HTATSF1: variants seen among roughly 807,000 people sequenced by gnomAD.
HTATSF1 encodes HIV-1 Tat specific factor 1.
HTATSF1 carries 6 observed loss-of-function variants against 46.1 expected under a neutral mutation model. That is an observed-to-expected ratio of 0.13 (90% CI 0.07 to 0.26). The LOEUF is 0.26. Among genes scored for constraint, HTATSF1 ranks in the 10% least tolerant of loss-of-function variants. The pLI is 1.00. For missense variants in HTATSF1, 452 were observed against 559.9 expected, an observed-to-expected ratio of 0.81 and a Z score of 1.94; for synonymous variants, 226 against 211.5, an observed-to-expected ratio of 1.07 and a Z score of -0.60.
Position 136,504,412 on chromosome X carries a change from C to T in HTATSF1, c.783C>T (p.Arg261=). ...PERRAGPSRM[R]HERVVIIKNM... Reference sequence around the variant, plus strand: ...GGCGAGCCGGACCATCCCGGATGCGCCATGAGCGAGTTGTCATCATCAAGA... The same window carrying T: ...GGCGAGCCGGACCATCCCGGATGCGTCATGAGCGAGTTGTCATCATCAAGA... Residue 261 remains arginine (R), a synonymous_variant, in exon 6 of 9, where the codon CGC becomes CGT. Transcript: ENST00000218364. 3 of 1,210,090 alleles carry T rather than the reference C, an allele frequency of 2.5e-6. No homozygotes were observed. Among genetic ancestry groups the T allele is most frequent in the Non-Finnish European group, 3.4e-6 (3 of 894,611 alleles).
At position 136,511,989 on chromosome X, in the gene HTATSF1, C is replaced by T. The variant is rs1372792445; in HGVS notation, c.2244C>T (p.Ser748=). The change falls in exon 9 of 9, where the codon AGC becomes AGT. Residue 748 remains serine (S), a synonymous_variant. Transcript: ENST00000218364. ...CTGGCAGCAGCTTTATTCTCAGTAG[C>T]GATGATGATGACGATGATATTTAAT... is the stretch of plus-strand genomic sequence containing the variant. ...LSTGSSFILS[S]DDDDDDI is the part of the protein sequence containing the mutation. 10 of 1,203,841 alleles carry T rather than the reference C, an allele frequency of 8.3e-6. No individual in the cohort carries two copies. The East Asian group carries it at 8.9e-5, about 11-fold the overall frequency.
At chrX:136,497,472 AGCGC>A, upstream of HTATSF1, 2 of 192,162 alleles carry the variant, frequency 1.0e-5, no homozygotes, top group Non-Finnish European at 1.9e-5. Context: ...TCACAGCATC[AGCGC>A]GCGCGCGCGG....
intron 1 of HTATSF1, 144 bp from the exon 2 acceptor site, chrX:136,499,454 A>G (rs1362926451): frequency 5.0e-6 from 2 of 403,040 alleles, no homozygotes; most frequent in Non-Finnish European, 8.2e-6. Context: ...TCTTGCATTT[A>G]TACCTTAATA....
chrX:136,509,050 A>C, intron 6 of HTATSF1, 41 bp from the exon 7 acceptor site: 2 of 929,677 alleles, frequency 2.2e-6, no homozygotes, highest in Non-Finnish European at 3.1e-6. Context: ...TTTATAGTTA[A>C]AGAAGGGAGC....
At chrX:136,505,769 G>A (rs960965867) in intron 6 of HTATSF1, among the ~76,000 whole-genome samples, 4 of 111,007 alleles carry the variant, frequency 3.6e-5, no homozygotes, top group Admixed American at 1.9e-4. Flanking sequence ...CCTGGGCAAC[G>A]GAGCGAGACT....
intron 1 of HTATSF1, among the ~76,000 whole-genome samples, chrX:136,499,276 A>T (rs765245120): frequency 8.9e-6 from 1 of 112,456 alleles, no homozygotes; most frequent in Non-Finnish European, 1.9e-5. Context: ...TTGTAGCCTT[A>T]GTCAAGTAGT....
chrX:136,504,125 C>T (rs1378042361), intron 5 of HTATSF1, among the ~76,000 whole-genome samples: 1 of 111,938 alleles, frequency 8.9e-6, no homozygotes, highest in African/African-American at 3.2e-5. Context: ...CCCGCCTCGG[C>T]CTCCCAAAGT....
chrX:136,502,974 A>G (rs1195506287), intron 5 of HTATSF1, 33 bp downstream of exon 5: 8 of 1,000,930 alleles, frequency 8.0e-6, no homozygotes, highest in African/African-American at 2.0e-5. Context: ...GAAAGGTTCC[A>G]TATATTCTAG....
intron 5 of HTATSF1, among the ~76,000 whole-genome samples, chrX:136,504,161 G>A (rs1396356413): frequency 2.7e-5 from 3 of 112,218 alleles, no homozygotes; most frequent in South Asian, 7.3e-4. Flanking sequence ...ATGAGCCACC[G>A]CACACGGCCC....
At chrX:136,506,187 A>G (rs1327929402) in intron 6 of HTATSF1, among the ~76,000 whole-genome samples, 2 of 111,839 alleles carry the variant, frequency 1.8e-5, no homozygotes, top group Non-Finnish European at 3.8e-5. Context: ...AGCTTAACAA[A>G]TATTCTTTCC....
chrX:136,511,731 G>A lies in HTATSF1; in HGVS notation c.1986G>A (p.Lys662=). The A allele has an allele frequency of 8.3e-7, 1 of 1,211,742 alleles. No homozygotes were observed. Among genetic ancestry groups the A allele is most frequent in the Non-Finnish European group, 1.1e-6 (1 of 895,485 alleles). Residue 662 remains lysine, a synonymous_variant, in exon 9 of 9, where the codon AAG becomes AAA. Transcript: ENST00000218364. ...AGGGGCTTGAAGCTGCTGATAAAAA[G>A]GCGGAAGAAGGTGATGCAGATGAAA... ...DEKGLEAADK[K]AEEGDADEKL...
At chrX:136,507,633 A>G (rs957287963) in intron 6 of HTATSF1, among the ~76,000 whole-genome samples, 1 of 110,765 alleles carries the variant, frequency 9.0e-6, no homozygotes, top group Non-Finnish European at 1.9e-5. Flanking sequence ...TACCCCCACC[A>G]TGGAATCACG....
At chrX:136,503,998 G>C (rs2075730496) in intron 5 of HTATSF1, among the ~76,000 whole-genome samples, 1 of 111,123 alleles carries the variant, frequency 9.0e-6, no homozygotes, top group African/African-American at 3.3e-5. Context: ...AGCCTCCCCA[G>C]TAGCTGGGAT....
chrX:136,501,965 A>G (rs1171986227), intron 4 of HTATSF1, among the ~76,000 whole-genome samples: 1 of 111,968 alleles, frequency 8.9e-6, no homozygotes, highest in Non-Finnish European at 1.9e-5. Context: ...TTTGAGACCC[A>G]TAGAAGTACA....
At chrX:136,504,567 T>G in intron 6 of HTATSF1, 104 bp downstream of exon 6, 2 of 530,734 alleles carry the variant, frequency 3.8e-6, no homozygotes, top group Non-Finnish European at 6.3e-6. Context: ...ACCTCCTACG[T>G]GTTTGTGCAG....
chrX:136,508,589 T>C (rs2075753310), intron 6 of HTATSF1, among the ~76,000 whole-genome samples: 1 of 112,840 alleles, frequency 8.9e-6, no homozygotes, highest in Non-Finnish European at 1.9e-5. Context: ...ATCCTTACGA[T>C]GTTTATTCTG....
At position 136,497,776 on chromosome X, in the gene HTATSF1, A is replaced by G. The variant is rs1387407650; in HGVS notation, c.92A>G (p.Gln31Arg). The change falls in exon 1 of 9, where the codon CAG becomes CGG. Residue 31 changes from glutamine (Q) to arginine (R), a missense_variant. Physicochemically the swap from Gln to Arg is conservative, Grantham distance 43. Transcript: ENST00000218364. ...LYGDGKDGDT[Q>R]TDAGGEPDSL... ...GGAGACGGCAAGGATGGTGACACCC[A>G]GACCGATGCCGGCGGAGAACCCGAT... 1.2e-5 allele frequency: 15 copies of G among 1,204,799 alleles called. No homozygotes were observed. The highest frequency in any genetic ancestry group is 1.6e-5 in the Non-Finnish European group (14 of 890,231).
chrX:136,507,515 C>T (rs762068384), intron 6 of HTATSF1, among the ~76,000 whole-genome samples: 1 of 108,225 alleles, frequency 9.2e-6, no homozygotes, highest in Admixed American at 9.9e-5. Flanking sequence ...GAGCCAAGAT[C>T]GCGCCACTGC....
Position 136,497,596 on chromosome X carries a change from C to A in HTATSF1, c.-89C>A. 1.3e-6 allele frequency: 1 copy of A among 781,978 alleles called. No individual in the cohort carries two copies. Among genetic ancestry groups the A allele is most frequent in the Non-Finnish European group, 1.8e-6 (1 of 566,331 alleles). 64.4% of individuals were successfully genotyped at this position (781,978 alleles called of 1,213,427 possible). On this transcript the variant is annotated 5_prime_UTR_variant, in exon 1 of 9. Transcript: ENST00000218364. ...GGGGGGCGGCGGGGCGCGAGCAGAG[C>A]GCGGTTGACCTCCCTTTCTCTGCTC...
Sources: gnomAD v4.1 joint callset for allele counts (sites outside exome capture counted in the v4.1 genomes callset) on GRCh38, gnomAD v4.1.1 for gene constraint, MANE v1.5 for transcripts, NCBI Gene and HGNC (gene_info 2026-07-23, HGNC 2026-07-21) for gene names.